The following CD300LF variants were observed in gnomAD, a reference collection of about 807,000 sequenced individuals.
CD300LF encodes CD300 molecule like family member f, also known as CMRF35-like molecule 1.
In CD300LF, 27 loss-of-function variants were observed where a neutral mutation model predicts 32.2. The ratio of observed to expected loss-of-function variants is 0.84; its 90% CI spans 0.62 to 1.15. The LOEUF (loss-of-function observed/expected upper bound fraction) is 1.15, where lower values mean the gene tolerates loss of function less well. Ranked by LOEUF, CD300LF falls within the 50% of genes most tolerant of loss-of-function variation. CD300LF has a pLI of 0.00. For missense variants in CD300LF, 348 were observed against 356.8 expected (o/e 0.98, Z 0.20); for synonymous variants, 139 against 143.2 (o/e 0.97, Z 0.21).
In CD300LF at chr17:74,704,825, C is replaced by G; in HGVS notation, c.44-9G>C. 2 of 1,603,728 alleles carry G rather than the reference C, an allele frequency of 1.2e-6. No individual in the cohort carries two copies. The highest frequency in any genetic ancestry group is 1.7e-6 in the Non-Finnish European group (2 of 1,172,566). On this transcript the variant is annotated splice_polypyrimidine_tract_variant and intron_variant, in intron 1 of 6. Coordinates refer to ENST00000326165, the MANE Select transcript of CD300LF (RefSeq NM_139018.5). ...AGTGACAATGGAGTAGCCTGGAAAACACAAATTCATGTGCTGTCACCTCCC... is the reference window on the plus strand; with the variant it reads ...AGTGACAATGGAGTAGCCTGGAAAAGACAAATTCATGTGCTGTCACCTCCC...
At chr17:74,711,658 T>C (rs369655306) in intron 1 of CD300LF, among the ~76,000 whole-genome samples, 3 of 152,268 alleles carry the variant, frequency 2.0e-5, no homozygotes, top group African/African-American at 7.2e-5. Context: ...CCCTCGTATC[T>C]ACTGTTCCCT....
rs747682173 is a variant in CD300LF at position 74,704,652 on chromosome 17, C to G, written c.208G>C (p.Gly70Arg). 1 of 1,614,050 alleles carries G rather than the reference C, an allele frequency of 6.2e-7. No homozygotes were observed. The highest frequency in any genetic ancestry group is 8.5e-7 in the Non-Finnish European group (1 of 1,180,040). ...TCCCTCTTCACCTCCTGCTCTGACC[C>G]ACTGGTTTTAACAAGGATCTTGCAG... is the stretch of plus-strand genomic sequence containing the variant. ...RDCKILVKTS[G>R]SEQEVKRDRV... Residue 70 changes from glycine (G) to arginine (R), a missense_variant, in exon 2 of 7, where the codon GGG becomes CGG. By Grantham distance (125) the Gly-to-Arg change is moderately radical. Coordinates refer to ENST00000326165, the MANE Select transcript of CD300LF (RefSeq NM_139018.5).
At chr17:74,695,636 G>A in intron 6 of CD300LF, 89 bp downstream of exon 6, 1 of 1,577,872 alleles carries the variant, frequency 6.3e-7, no homozygotes, top group African/African-American at 1.3e-5. Flanking sequence ...GCCCACATGA[G>A]CAGGAGAAAG....
At position 74,704,542 on chromosome 17, in the gene CD300LF, G is replaced by A. The variant is rs553694245; in HGVS notation, c.318C>T (p.Tyr106=). ...EDLMKTDADT[Y]WCGIEKTGND... ...TTCCAGTTTTCTCAATTCCACACCA[G>A]TAAGTGTCAGCATCAGTTTTCATGA... The change falls in exon 2 of 7, where the codon TAC becomes TAT. Residue 106 remains tyrosine (Y), a synonymous_variant. Transcript: ENST00000326165. The A allele has an allele frequency of 6.2e-7, 1 of 1,614,164 alleles. No homozygotes were observed.
At chr17:74,705,077 C>T (rs1047725893) in intron 1 of CD300LF, 3 of 634,992 alleles carry the variant, frequency 4.7e-6, no homozygotes, top group Non-Finnish European at 8.6e-6. Context: ...CTGCAGTTCA[C>T]CCCTCTCTCC....
Position 74,698,357 on chromosome 17 carries a change from A to G in CD300LF, c.559+12T>C, listed in dbSNP as rs371420753. 8 of 1,590,192 alleles carry G rather than the reference A, an allele frequency of 5.0e-6. No homozygotes were observed. The African/African-American group carries it at 9.4e-5, about 19-fold the overall frequency. ...GCCCAGTCTCAGCCCAGCCTCACCC[A>G]GGTCCTCTCACCTTTCTGCTGGTAC... On this transcript the variant is annotated intron_variant, in intron 4 of 6. Transcript: ENST00000326165.
Position 74,696,882 on chromosome 17 carries a change from C to G in CD300LF, c.560-665G>C, listed in dbSNP as rs138154120. ...CCCGAGTAGAATGTGCAAGCTGGGT[C>G]GGCACAGTAGGGACCGATTTTGTTT... On this transcript the variant is annotated intron_variant, in intron 4 of 6. Coordinates refer to ENST00000326165, the MANE Select transcript of CD300LF (RefSeq NM_139018.5). Among the ~76,000 whole-genome samples, 365 of 151,724 alleles carry G rather than the reference C, an allele frequency of 2.4e-3. 2 individuals carry two copies. Among genetic ancestry groups the G allele is most frequent in the Non-Finnish European group, 4.2e-3 (284 of 67,976 alleles).
chr17:74,706,281 A>AT (rs1243179408), intron 1 of CD300LF, among the ~76,000 whole-genome samples: 116 of 145,400 alleles, frequency 8.0e-4, no homozygotes, highest in East Asian at 2.6e-3. Context: ...AGGAAAAAAA[A>AT]AATATATATA....
intron 3 of CD300LF, chr17:74,698,714 G>T: frequency 9.6e-7 from 1 of 1,043,054 alleles, no homozygotes; most frequent in African/African-American, 1.6e-5. Context: ...TGAGGATGGA[G>T]GGTGGGAGGA....
At chr17:74,703,429 A>G (rs1192340956) in intron 2 of CD300LF, among the ~76,000 whole-genome samples, 1 of 152,078 alleles carries the variant, frequency 6.6e-6, no homozygotes, top group Non-Finnish European at 1.5e-5. Flanking sequence ...AACTTGAGCA[A>G]CCTGCTGCTT....
chr17:74,697,554 G>T (rs926421486), intron 4 of CD300LF, among the ~76,000 whole-genome samples: 1 of 152,218 alleles, frequency 6.6e-6, no homozygotes, highest in South Asian at 2.1e-4. Flanking sequence ...GATTTCCCAG[G>T]CTGTGGGGAG....
chr17:74,705,792 G>C (rs1022191211), intron 1 of CD300LF, among the ~76,000 whole-genome samples: 1 of 151,994 alleles, frequency 6.6e-6, no homozygotes, highest in Admixed American at 6.6e-5. Flanking sequence ...ACAGGATTTT[G>C]CCATGTTGTC....
chr17:74,703,248 C>A, intron 2 of CD300LF, 150 bp from the exon 3 acceptor site: 1 of 819,360 alleles, frequency 1.2e-6, no homozygotes, highest in Non-Finnish European at 2.0e-6. Context: ...GTCTGGACTG[C>A]TACTATGGGA....
chr17:74,712,667 G>A (rs563585639), intron 1 of CD300LF, among the ~76,000 whole-genome samples, 157 bp downstream of exon 1: 2 of 152,356 alleles, frequency 1.3e-5, no homozygotes, highest in South Asian at 4.1e-4. Context: ...TTCCTGCCTT[G>A]GCAACGGAAA....
Position 74,695,060 on chromosome 17 carries a change from A to G in CD300LF, c.*36T>C. 6.3e-7 allele frequency: 1 copy of G among 1,596,310 alleles called. No individual in the cohort carries two copies. Among genetic ancestry groups the G allele is most frequent in the Non-Finnish European group, 8.5e-7 (1 of 1,170,282 alleles). ...CGGTCGATGAGGCAGGAGTGTGCTC[A>G]CAGCCTGGGGTCCAAGAAGGAGCCT... On this transcript the variant is annotated 3_prime_UTR_variant, in exon 7 of 7. Coordinates refer to ENST00000326165, the MANE Select transcript of CD300LF (RefSeq NM_139018.5).
chr17:74,695,609 A>G (rs975033917), intron 6 of CD300LF, 116 bp downstream of exon 6: 24 of 1,461,854 alleles, frequency 1.6e-5, no homozygotes, highest in Middle Eastern at 4.6e-4. Context: ...GCTTTGCCCC[A>G]CACCTGCCTC....
chr17:74,710,705 G>A (rs59511639), intron 1 of CD300LF, among the ~76,000 whole-genome samples: 2,802 of 90,526 alleles, frequency 0.031, 56 homozygotes, highest in East Asian at 0.11. Context: ...CTAAAAATAC[G>A]AAAAAAAAAA....
At chr17:74,696,903 T>TTTG (rs2032534827) in intron 4 of CD300LF, among the ~76,000 whole-genome samples, 2 of 146,824 alleles carry the variant, frequency 1.4e-5, no homozygotes, top group Admixed American at 6.8e-5. Context: ...GGACCGATTT[T>TTTG]GTTTGGTTTG....
chr17:74,695,581 A>G, intron 6 of CD300LF, 144 bp downstream of exon 6: 1 of 1,189,440 alleles, frequency 8.4e-7, no homozygotes, highest in Non-Finnish European at 1.2e-6. Context: ...CTCCTAGGCG[A>G]GTCCTGCAGT....
Sources: allele counts gnomAD v4.1 joint callset (sites outside exome capture counted in the v4.1 genomes callset), GRCh38; gene constraint gnomAD v4.1.1; transcripts MANE v1.5; gene names NCBI Gene and HGNC (gene_info 2026-07-23, HGNC 2026-07-21).